RIT2: variants seen among roughly 807,000 people sequenced by gnomAD.
The protein encoded by RIT2 is Ras like without CAAX 2, also known as GTP-binding protein Rit2.
In RIT2, 24 loss-of-function variants were observed where a neutral mutation model predicts 23.7. The observed-to-expected ratio is 1.01, with a 90% CI of 0.73 to 1.43. RIT2 has a LOEUF of 1.43. Among genes scored for constraint, RIT2 ranks in the 40% most tolerant of loss-of-function variants. The probability of loss-of-function intolerance (pLI) is 0.00; values close to 1 mark genes in which losing one functional copy is unlikely to be tolerated. For missense variants in RIT2, 236 were observed against 266.9 expected, an observed-to-expected ratio of 0.88 and a Z score of 0.81; for synonymous variants, 107 against 91.1, an observed-to-expected ratio of 1.17 and a Z score of -0.99.
intron 4 of RIT2, among the ~76,000 whole-genome samples, chr18:42,871,683 A>T (rs1281685884): frequency 6.6e-6 from 1 of 152,156 alleles, no homozygotes; most frequent in Non-Finnish European, 1.5e-5. Context: ...CCAGGTGTAG[A>T]TGTTCTGTAT....
intron 4 of RIT2, among the ~76,000 whole-genome samples, chr18:42,914,009 G>A (rs1428367853): frequency 6.6e-6 from 1 of 151,898 alleles, no homozygotes; most frequent in Non-Finnish European, 1.5e-5. Flanking sequence ...AAAAGAAAAT[G>A]GTCAGAAGCA....
chr18:43,075,574 G>A (rs1912994953), intron 1 of RIT2, among the ~76,000 whole-genome samples: 1 of 152,046 alleles, frequency 6.6e-6, no homozygotes, highest in Non-Finnish European at 1.5e-5. Context: ...ATTGAATTCT[G>A]TCTTAAAACA....
At chr18:42,924,541 C>T (rs940588429) in intron 3 of RIT2, among the ~76,000 whole-genome samples, 2 of 151,864 alleles carry the variant, frequency 1.3e-5, no homozygotes, top group African/African-American at 4.8e-5. Context: ...TTTTCATTCA[C>T]TTTTATTCTG....
intron 2 of RIT2, among the ~76,000 whole-genome samples, chr18:42,983,893 A>T (rs1910649922): frequency 6.6e-6 from 1 of 152,086 alleles, no homozygotes; most frequent in Non-Finnish European, 1.5e-5. Context: ...AAATTGGATC[A>T]TGGACACATT....
At chr18:42,826,169 G>A (rs1249388094) in intron 4 of RIT2, among the ~76,000 whole-genome samples, 2 of 151,836 alleles carry the variant, frequency 1.3e-5, no homozygotes, top group Non-Finnish European at 2.9e-5. Context: ...CGTTTTTCAC[G>A]CACACACAAA....
At chr18:42,764,337 A>T (rs1913372140) in intron 4 of RIT2, among the ~76,000 whole-genome samples, 1 of 152,116 alleles carries the variant, frequency 6.6e-6, no homozygotes, top group Non-Finnish European at 1.5e-5. Flanking sequence ...GCCTCCCTCC[A>T]TGCCTGCCTA....
At chr18:42,858,049 C>T (rs191334571) in intron 4 of RIT2, among the ~76,000 whole-genome samples, 34 of 152,128 alleles carry the variant, frequency 2.2e-4, no homozygotes, top group African/African-American at 7.5e-4. Flanking sequence ...GGCATGGTGG[C>T]GCGCGCCTGT....
At chr18:42,979,896 T>C (rs915760594) in intron 2 of RIT2, among the ~76,000 whole-genome samples, 1 of 152,124 alleles carries the variant, frequency 6.6e-6, no homozygotes, top group Non-Finnish European at 1.5e-5. Flanking sequence ...ACATTAGAAG[T>C]ACTTTGAAGG....
intron 4 of RIT2, among the ~76,000 whole-genome samples, chr18:42,794,118 AG>A (rs1475595207): frequency 6.6e-6 from 1 of 152,212 alleles, no homozygotes; most frequent in Non-Finnish European, 1.5e-5. Flanking sequence ...TTTTCCTCCA[AG>A]AAAACAGTTC....
At chr18:42,931,685 T>C (rs980516238) in intron 3 of RIT2, among the ~76,000 whole-genome samples, 3 of 152,132 alleles carry the variant, frequency 2.0e-5, no homozygotes, top group African/African-American at 7.2e-5. Flanking sequence ...AGGTCACTCA[T>C]ACTGGGAGCT....
chr18:42,779,401 T>A (rs527260577), intron 4 of RIT2, among the ~76,000 whole-genome samples: 2 of 152,282 alleles, frequency 1.3e-5, no homozygotes, highest in Admixed American at 1.3e-4. Context: ...CATAACCTGA[T>A]CACATGGAGA....
chr18:43,067,864 C>T (rs1912806453), intron 1 of RIT2, among the ~76,000 whole-genome samples: 1 of 152,070 alleles, frequency 6.6e-6, no homozygotes, highest in African/African-American at 2.4e-5. Context: ...TGGGGTGCCC[C>T]TAGCTGACAG....
chr18:42,787,216 G>A (rs538032175), intron 4 of RIT2, among the ~76,000 whole-genome samples: 19 of 141,018 alleles, frequency 1.3e-4, no homozygotes, highest in African/African-American at 5.1e-4. Flanking sequence ...ACCTATGAAT[G>A]AGAACATGCG....
chr18:43,102,253 T>C (rs1913700936), intron 1 of RIT2, among the ~76,000 whole-genome samples: 1 of 152,196 alleles, frequency 6.6e-6, no homozygotes, highest in African/African-American at 2.4e-5. Context: ...GAATTCAGTG[T>C]TGCAACTACA....
chr18:42,929,964 G>C (rs1372055636), intron 3 of RIT2, among the ~76,000 whole-genome samples: 1 of 152,156 alleles, frequency 6.6e-6, no homozygotes, highest in Non-Finnish European at 1.5e-5. Flanking sequence ...GGATGTTCCA[G>C]GAGTTGAGAG....
chr18:43,001,527 G>A (rs1911107503), intron 2 of RIT2, among the ~76,000 whole-genome samples: 1 of 151,950 alleles, frequency 6.6e-6, no homozygotes, highest in Non-Finnish European at 1.5e-5. Flanking sequence ...TCAAACATAA[G>A]ATGGGTGGTT....
intron 2 of RIT2, among the ~76,000 whole-genome samples, chr18:42,998,031 G>A (rs995669609): frequency 2.6e-5 from 4 of 152,134 alleles, no homozygotes; most frequent in African/African-American, 9.7e-5. Context: ...GGCTCTGATA[G>A]TTTCACCACA....
At chr18:42,995,002 C>T (rs114233766) in intron 2 of RIT2, among the ~76,000 whole-genome samples, 4,087 of 151,892 alleles carry the variant, frequency 0.027, 171 homozygotes, top group African/African-American at 0.089. Flanking sequence ...CTGACCCTCA[C>T]GACTGCATCT....
intron 4 of RIT2, among the ~76,000 whole-genome samples, chr18:42,870,224 T>A (rs1375576040): frequency 6.6e-6 from 1 of 152,198 alleles, no homozygotes; most frequent in African/African-American, 2.4e-5. Context: ...GAACTCTTCC[T>A]AATACTAGAC....
Sources: gnomAD v4.1 joint callset for allele counts (sites outside exome capture counted in the v4.1 genomes callset) on GRCh38, gnomAD v4.1.1 for gene constraint, MANE v1.5 for transcripts, NCBI Gene and HGNC (gene_info 2026-07-23, HGNC 2026-07-21) for gene names.